Variants in MAB21L2 observed in about 807,000 individuals in gnomAD.
The protein encoded by MAB21L2 is protein mab-21-like 2.
MAB21L2 carries 15 observed loss-of-function variants against 29.8 expected under a neutral mutation model. The observed-to-expected ratio is 0.50, with a 90% CI of 0.34 to 0.78. The LOEUF (loss-of-function observed/expected upper bound fraction) is 0.78. Among genes scored for constraint, MAB21L2 ranks in the 30% least tolerant of loss-of-function variants. The pLI, the probability that MAB21L2 is intolerant of heterozygous loss-of-function variation, is 0.01. For missense variants in MAB21L2, 321 were observed against 480.1 expected, an observed-to-expected ratio of 0.67 and a Z score of 3.10; for synonymous variants, 218 against 210.4, an observed-to-expected ratio of 1.04 and a Z score of -0.31.
At position 150,582,724 on chromosome 4, in the gene MAB21L2, C is replaced by T. The variant is rs190637038; in HGVS notation, c.-306C>T. On this transcript the variant is annotated 5_prime_UTR_variant, in exon 1 of 1. Coordinates refer to ENST00000317605, the MANE Select transcript of MAB21L2 (RefSeq NM_006439.5). ...TCACGCCCACCCCGCTTCTCTCGCACACGGTCATCTTTACATATCAAGAGA... is the reference window on the plus strand; with the variant it reads ...TCACGCCCACCCCGCTTCTCTCGCATACGGTCATCTTTACATATCAAGAGA... 343 of 284,766 alleles carry T rather than the reference C, an allele frequency of 1.2e-3. 1 individual carries two copies. The South Asian group carries it at 0.016, about 13-fold the overall frequency. The allele number at this position is 284,766 out of a possible 1,614,324, so 17.6% of individuals were successfully genotyped here.
rs1479475895 is a variant in MAB21L2, at chr4:150,584,244, T to G, written c.*135T>G. On this transcript the variant is annotated 3_prime_UTR_variant, in exon 1 of 1. Transcript: ENST00000317605. Reference sequence around the variant, plus strand: ...GAAATAGGAATCCGGCAGAAGACCTTCATTAATTAAGAAGCAAACAAAAAG... The same window carrying G: ...GAAATAGGAATCCGGCAGAAGACCTGCATTAATTAAGAAGCAAACAAAAAG... 1 of 997,066 alleles carries G rather than the reference T, an allele frequency of 1.0e-6. No individual in the cohort carries two copies. Among genetic ancestry groups the G allele is most frequent in the African/African-American group, 1.6e-5 (1 of 60,710 alleles). 61.8% of individuals were successfully genotyped at this position (997,066 alleles called of 1,614,324 possible).
chr4:150,584,118 G>A lies in MAB21L2; in HGVS notation c.*9G>A, dbSNP rs1771777873. ...GCCTGGACAAACTATAGGGTGCTGG[G>A]GACTGCTTGAAAAGCGACACAAACG... On this transcript the variant is annotated 3_prime_UTR_variant, in exon 1 of 1. Coordinates refer to ENST00000317605, the MANE Select transcript of MAB21L2 (RefSeq NM_006439.5). 2.0e-6 allele frequency: 3 copies of A among 1,512,864 alleles called. No homozygotes were observed. Among genetic ancestry groups the A allele is most frequent in the East Asian group, 2.3e-5 (1 of 43,716 alleles). 93.7% of individuals were successfully genotyped at this position (1,512,864 alleles called of 1,614,324 possible).
chr4:150,582,275 G>A lies in MAB21L2; in HGVS notation c.-755G>A, dbSNP rs562441044. 1 of 151,966 alleles carries A rather than the reference G, an allele frequency of 6.6e-6. No homozygotes were observed. The highest frequency in any genetic ancestry group is 6.6e-5 in the Admixed American group (1 of 15,250). The allele number at this position is 151,966 out of a possible 1,614,324, so 9.4% of individuals were successfully genotyped here. Reference sequence around the variant, plus strand: ...CGGTTTGCACCTAAAGAAACACAAGGAGAACCCACTACAAACAAACAAACC... The same window carrying A: ...CGGTTTGCACCTAAAGAAACACAAGAAGAACCCACTACAAACAAACAAACC... On this transcript the variant is annotated 5_prime_UTR_variant, in exon 1 of 1. Transcript: ENST00000317605.
Position 150,583,133 on chromosome 4 carries a change from G to C in MAB21L2, c.104G>C (p.Cys35Ser). Reference sequence around the variant, plus strand: ...ATCGCCAAAACCATCCGAGAGGTCTGTAAGGTGGTCTCGGACGTGCTCAAG... The same window carrying C: ...ATCGCCAAAACCATCCGAGAGGTCTCTAAGGTGGTCTCGGACGTGCTCAAG... The part of the protein sequence containing the change: ...AAIAKTIREV[C>S]KVVSDVLKEV... Residue 35 changes from cysteine to serine, a missense_variant, in exon 1 of 1, where the codon TGT (cysteine) becomes TCT (serine). Cys to Ser is a moderately radical substitution (Grantham distance 112). Coordinates refer to ENST00000317605, the MANE Select transcript of MAB21L2 (RefSeq NM_006439.5). This position sits in a 1 kb window ranked among gnomAD's most constrained non-coding sequence, Gnocchi z 9.8. 1 of 1,614,232 alleles carries C rather than the reference G, an allele frequency of 6.2e-7. No homozygotes were observed. The highest frequency in any genetic ancestry group is 8.5e-7 in the Non-Finnish European group (1 of 1,180,028).
At position 150,582,376 on chromosome 4, in the gene MAB21L2, C is replaced by T. The variant is rs1311851776; in HGVS notation, c.-654C>T. The T allele has an allele frequency of 6.6e-6, 1 of 151,884 alleles. No homozygotes were observed. Among genetic ancestry groups the T allele is most frequent in the Non-Finnish European group, 1.5e-5 (1 of 68,030 alleles). 9.4% of individuals were successfully genotyped at this position (151,884 alleles called of 1,614,324 possible). On this transcript the variant is annotated 5_prime_UTR_variant, in exon 1 of 1. Coordinates refer to ENST00000317605, the MANE Select transcript of MAB21L2 (RefSeq NM_006439.5). Reference sequence around the variant, plus strand: ...ACCCCCCGAGAAGAGACGAGACCAACACGCTGAGACTGTGGGGCGTCAGCA... The same window carrying T: ...ACCCCCCGAGAAGAGACGAGACCAATACGCTGAGACTGTGGGGCGTCAGCA...
Position 150,582,897 on chromosome 4 carries a change from G to A in MAB21L2, c.-133G>A, listed in dbSNP as rs549286219. ...CAGCCGGTCAGCCCAGGTGGAAAACGAGAGTGAAAGTAGGGCTTAACGGGG... is the reference window on the plus strand; with the variant it reads ...CAGCCGGTCAGCCCAGGTGGAAAACAAGAGTGAAAGTAGGGCTTAACGGGG... On this transcript the variant is annotated 5_prime_UTR_variant, in exon 1 of 1. Transcript: ENST00000317605. 4.5e-5 allele frequency: 50 copies of A among 1,103,328 alleles called. No homozygotes were observed. The African/African-American group carries it at 6.3e-4, about 14-fold the overall frequency. 68.3% of individuals were successfully genotyped at this position (1,103,328 alleles called of 1,614,324 possible).
Position 150,584,340 on chromosome 4 carries a change from T to A in MAB21L2, c.*231T>A. ...CGTTTTCTTCCAAACAATGTGAATT[T>A]AAAAGGTCACACAAAAGAAGCAATC... On this transcript the variant is annotated 3_prime_UTR_variant, in exon 1 of 1. Transcript: ENST00000317605. 2.4e-6 allele frequency: 1 copy of A among 415,726 alleles called. No homozygotes were observed. The highest frequency in any genetic ancestry group is 4.3e-6 in the Non-Finnish European group (1 of 235,222). 25.8% of individuals were successfully genotyped at this position (415,726 alleles called of 1,614,324 possible).
In MAB21L2 at chr4:150,583,581, G is replaced by C. The variant is rs1337613845; in HGVS notation, c.552G>C (p.Ala184=). ...FKCTGIWPRS[A]AQWPMPHIPW... is the part of the protein sequence containing the mutation. ...GCACCGGGATCTGGCCTCGCAGCGC[G>C]GCACAGTGGCCTATGCCCCACATCC... Residue 184 remains alanine, a synonymous_variant, in exon 1 of 1, where the codon GCG becomes GCC. Coordinates refer to ENST00000317605, the MANE Select transcript of MAB21L2 (RefSeq NM_006439.5). This position sits in a 1 kb window ranked among gnomAD's most constrained non-coding sequence, Gnocchi z 9.8. The C allele has an allele frequency of 6.2e-7, 1 of 1,613,852 alleles. No homozygotes were observed. Among genetic ancestry groups the C allele is most frequent in the African/African-American group, 1.3e-5 (1 of 75,042 alleles).
rs750545900 is a variant in MAB21L2, at chr4:150,583,014, G to C, written c.-16G>C. The stretch of plus-strand genomic sequence containing the variant: ...ATTGCGAGACGCCGGTGTATAGCCC[G>C]GACCTGTGCCCCAACATGATCGCCG... On this transcript the variant is annotated 5_prime_UTR_variant, in exon 1 of 1. Coordinates refer to ENST00000317605, the MANE Select transcript of MAB21L2 (RefSeq NM_006439.5). The surrounding 1 kb of genome is among the most constrained non-coding windows in gnomAD (Gnocchi z 9.8). 6.4e-7 allele frequency: 1 copy of C among 1,574,380 alleles called. No individual in the cohort carries two copies.
Position 150,583,458 on chromosome 4 carries a change from C to A in MAB21L2, c.429C>A (p.Cys143Ter). ...QTLVAQAVDK[C>*]SYRDVVKMIA... is the part of the protein sequence containing the mutation. ...TGGTGGCCCAGGCGGTGGACAAGTG[C>A]AGCTATCGGGATGTGGTCAAGATGA... The change falls in exon 1 of 1, where the codon TGC (cysteine) becomes TGA (stop). Residue 143 changes from cysteine to a stop codon, truncating the protein, a stop_gained. Coordinates refer to ENST00000317605, the MANE Select transcript of MAB21L2 (RefSeq NM_006439.5). LOFTEE classifies it high-confidence loss of function. This position sits in a 1 kb window ranked among gnomAD's most constrained non-coding sequence, Gnocchi z 9.8. 1.2e-6 allele frequency: 2 copies of A among 1,613,884 alleles called. No homozygotes were observed. The highest frequency in any genetic ancestry group is 1.7e-6 in the Non-Finnish European group (2 of 1,180,032).
At position 150,583,487 on chromosome 4, in the gene MAB21L2, C is replaced by T; in HGVS notation, c.458C>T (p.Ala153Val). The change falls in exon 1 of 1, where the codon GCG becomes GTG. Residue 153 changes from alanine to valine, a missense_variant. Coordinates refer to ENST00000317605, the MANE Select transcript of MAB21L2 (RefSeq NM_006439.5). This position sits in a 1 kb window ranked among gnomAD's most constrained non-coding sequence, Gnocchi z 9.8. ...TATCGGGATGTGGTCAAGATGATCG[C>T]GGACACCAGCGAGGTCAAGTTGCGC... ...CSYRDVVKMI[A>V]DTSEVKLRIR... 6.2e-7 allele frequency: 1 copy of T among 1,613,922 alleles called. No individual in the cohort carries two copies. The highest frequency in any genetic ancestry group is 1.1e-5 in the South Asian group (1 of 91,088).
At position 150,582,843 on chromosome 4, in the gene MAB21L2, A is replaced by G. The variant is rs1771565696; in HGVS notation, c.-187A>G. ...GAAGAAAAGAGGTTTCGAAAGAGGG[A>G]AAAGGAAAAAACAAGCCGGCTACGG... On this transcript the variant is annotated 5_prime_UTR_variant, in exon 1 of 1. Coordinates refer to ENST00000317605, the MANE Select transcript of MAB21L2 (RefSeq NM_006439.5). 5.4e-6 allele frequency: 3 copies of G among 556,032 alleles called. No individual in the cohort carries two copies. The highest frequency in any genetic ancestry group is 3.6e-5 in the Admixed American group (1 of 27,824). The allele number at this position is 556,032 out of a possible 1,614,324, so 34.4% of individuals were successfully genotyped here.
rs1055096110 is a variant in MAB21L2, at chr4:150,583,314, C to T, written c.285C>T (p.Pro95=). ...ACTTCGTGGACGACGGCTCGCTGCC[C>T]GGCTGCGCAGTGCTCAAACTGAGCG... ...VFNFVDDGSL[P]GCAVLKLSDG... The change falls in exon 1 of 1, where the codon CCC becomes CCT. Residue 95 remains proline, a synonymous_variant. Coordinates refer to ENST00000317605, the MANE Select transcript of MAB21L2 (RefSeq NM_006439.5). The surrounding 1 kb of genome is among the most constrained non-coding windows in gnomAD (Gnocchi z 9.8). 3.1e-6 allele frequency: 5 copies of T among 1,614,200 alleles called. No homozygotes were observed. The highest frequency in any genetic ancestry group is 4.2e-6 in the Non-Finnish European group (5 of 1,180,042).
At position 150,583,281 on chromosome 4, in the gene MAB21L2, C is replaced by T. The variant is rs931315948; in HGVS notation, c.252C>T (p.Gly84=). ...FEVVLYLNQM[G]VFNFVDDGSL... is the part of the protein sequence containing the mutation. ...TGGTGCTCTACCTAAACCAGATGGGCGTCTTCAACTTCGTGGACGACGGCT... is the reference window on the plus strand; with the variant it reads ...TGGTGCTCTACCTAAACCAGATGGGTGTCTTCAACTTCGTGGACGACGGCT... Residue 84 remains glycine (G), a synonymous_variant, in exon 1 of 1, where the codon GGC becomes GGT. Transcript: ENST00000317605. This position sits in a 1 kb window ranked among gnomAD's most constrained non-coding sequence, Gnocchi z 9.8. 4 of 1,614,080 alleles carry T rather than the reference C, an allele frequency of 2.5e-6. No homozygotes were observed. Among genetic ancestry groups the T allele is most frequent in the East Asian group, 2.2e-5 (1 of 44,884 alleles).
Position 150,582,651 on chromosome 4 carries a change from A to G in MAB21L2, c.-379A>G, listed in dbSNP as rs1019897724. ...GGACAATCTCGGCTGCAGACATCTAAGCCTAACCTTTTGGTATCCTGAGTT... is the reference window on the plus strand; with the variant it reads ...GGACAATCTCGGCTGCAGACATCTAGGCCTAACCTTTTGGTATCCTGAGTT... On this transcript the variant is annotated 5_prime_UTR_variant, in exon 1 of 1. Coordinates refer to ENST00000317605, the MANE Select transcript of MAB21L2 (RefSeq NM_006439.5). The G allele has an allele frequency of 1.6e-5, 3 of 191,602 alleles. No individual in the cohort carries two copies. The South Asian group carries it at 4.3e-4, about 27-fold the overall frequency. The allele number at this position is 191,602 out of a possible 1,614,324, so 11.9% of individuals were successfully genotyped here.
Position 150,584,119 on chromosome 4 carries a change from G to T in MAB21L2, c.*10G>T. 6.6e-7 allele frequency: 1 copy of T among 1,512,710 alleles called. No homozygotes were observed. The highest frequency in any genetic ancestry group is 1.4e-5 in the South Asian group (1 of 73,872). 93.7% of individuals were successfully genotyped at this position (1,512,710 alleles called of 1,614,324 possible). Reference sequence around the variant, plus strand: ...CCTGGACAAACTATAGGGTGCTGGGGACTGCTTGAAAAGCGACACAAACGG... The same window carrying T: ...CCTGGACAAACTATAGGGTGCTGGGTACTGCTTGAAAAGCGACACAAACGG... On this transcript the variant is annotated 3_prime_UTR_variant, in exon 1 of 1. Transcript: ENST00000317605.
At position 150,583,915 on chromosome 4, in the gene MAB21L2, C is replaced by T. The variant is rs893558986; in HGVS notation, c.886C>T (p.Leu296=). Residue 296 remains leucine, a synonymous_variant, in exon 1 of 1, where the codon CTG becomes TTG. Transcript: ENST00000317605. The surrounding 1 kb of genome is among the most constrained non-coding windows in gnomAD (Gnocchi z 9.8). ...AGAAACGGACTGGGACGAGTCGTGC[C>T]TGGGCGACCGGCTCAACGGCATCCT... The part of the protein sequence containing the change: ...PRETDWDESC[L]GDRLNGILLQ... The T allele has an allele frequency of 1.2e-6, 2 of 1,612,602 alleles. No individual in the cohort carries two copies. The highest frequency in any genetic ancestry group is 2.7e-5 in the African/African-American group (2 of 74,942).
rs1420808203 is a variant in MAB21L2 at position 150,583,245 on chromosome 4, C to T, written c.216C>T (p.Thr72=). ...RYEGLEVISP[T]EFEVVLYLNQ... Reference sequence around the variant, plus strand: ...AGGGGCTCGAGGTCATTTCGCCCACCGAATTTGAGGTGGTGCTCTACCTAA... The same window carrying T: ...AGGGGCTCGAGGTCATTTCGCCCACTGAATTTGAGGTGGTGCTCTACCTAA... The change falls in exon 1 of 1, where the codon ACC becomes ACT. Residue 72 remains threonine, a synonymous_variant. Coordinates refer to ENST00000317605, the MANE Select transcript of MAB21L2 (RefSeq NM_006439.5). This position sits in a 1 kb window ranked among gnomAD's most constrained non-coding sequence, Gnocchi z 9.8. 8 of 1,614,224 alleles carry T rather than the reference C, an allele frequency of 5.0e-6. No homozygotes were observed. Among genetic ancestry groups the T allele is most frequent in the South Asian group, 4.4e-5 (4 of 91,086 alleles).
chr4:150,583,977 CCCT>C lies in MAB21L2; in HGVS notation c.950_952del (p.Pro317del). Reference sequence around the variant, plus strand: ...TCTCCTGCCTGCAGTGCCGCCGCTGCCCTCACTACTTTCTGCCCAACCTCGACC... The same window carrying C: ...TCTCCTGCCTGCAGTGCCGCCGCTGCCACTACTTTCTGCCCAACCTCGACC... On this transcript the variant is annotated inframe_deletion, in exon 1 of 1. Transcript: ENST00000317605. This position sits in a 1 kb window ranked among gnomAD's most constrained non-coding sequence, Gnocchi z 9.8. The C allele has an allele frequency of 6.2e-7, 1 of 1,614,136 alleles. No homozygotes were observed. The highest frequency in any genetic ancestry group is 8.5e-7 in the Non-Finnish European group (1 of 1,179,998).
Sources: allele counts gnomAD v4.1 joint callset, GRCh38; gene constraint gnomAD v4.1.1; non-coding constraint Gnocchi (gnomAD v3.1); transcripts MANE v1.5; gene names NCBI Gene and HGNC (gene_info 2026-07-23, HGNC 2026-07-21).